Variants in SORCS3 observed in about 807,000 individuals in gnomAD.
SORCS3 encodes sortilin related VPS10 domain containing receptor 3.
SORCS3 carries 57 observed loss-of-function variants against 146.3 expected under a neutral mutation model. The ratio of observed to expected loss-of-function variants is 0.39; its 90% CI spans 0.31 to 0.49. The LOEUF (loss-of-function observed/expected upper bound fraction) is 0.49. Among genes scored for constraint, SORCS3 ranks in the 20% least tolerant of loss-of-function variants. The pLI is 0.92. For missense variants in SORCS3, 1,341 were observed against 1,575.5 expected (o/e 0.85, Z 2.52); for synonymous variants, 653 against 618.5 (o/e 1.06, Z -0.83).
At chr10:104,953,563 TC>T (rs2019456088) in intron 3 of SORCS3, among the ~76,000 whole-genome samples, 1 of 152,236 alleles carries the variant, frequency 6.6e-6, no homozygotes, top group South Asian at 2.1e-4. Flanking sequence ...GATGGCATTT[TC>T]CAGGTGCCAC....
chr10:105,142,990 G>T (rs1226170917), intron 8 of SORCS3, among the ~76,000 whole-genome samples: 2 of 151,958 alleles, frequency 1.3e-5, no homozygotes, highest in Non-Finnish European at 2.9e-5. Context: ...CTGTGTCACG[G>T]CCACACTTCT....
intron 1 of SORCS3, among the ~76,000 whole-genome samples, chr10:104,700,640 G>A (rs1053794766): frequency 1.4e-5 from 2 of 147,966 alleles, no homozygotes; most frequent in Non-Finnish European, 3.0e-5. Context: ...CGAAGGAAGG[G>A]ACATGGGCCA....
At chr10:104,904,447 CA>C (rs1036444347) in intron 2 of SORCS3, among the ~76,000 whole-genome samples, 3 of 152,002 alleles carry the variant, frequency 2.0e-5, no homozygotes, top group Admixed American at 6.6e-5. Context: ...TCTAGGGAAA[CA>C]AATAATGATA....
At chr10:105,064,462 AC>A (rs2055509092) in intron 5 of SORCS3, among the ~76,000 whole-genome samples, 1 of 152,116 alleles carries the variant, frequency 6.6e-6, no homozygotes, top group South Asian at 2.1e-4. Context: ...GTTGAAAGGT[AC>A]CCCAATAGGT....
At chr10:105,250,114 G>C (rs564171245) in intron 22 of SORCS3, among the ~76,000 whole-genome samples, 11 of 152,220 alleles carry the variant, frequency 7.2e-5, no homozygotes, top group Admixed American at 2.0e-4. Flanking sequence ...GAACCTTCTT[G>C]CTGTGTCTTC....
intron 1 of SORCS3, among the ~76,000 whole-genome samples, chr10:104,765,324 C>T (rs1256018114): frequency 1.3e-5 from 2 of 152,148 alleles, no homozygotes; most frequent in African/African-American, 4.8e-5. Flanking sequence ...AAACAAATAC[C>T]AACATGAAGA....
chr10:104,857,327 G>A (rs776839400), intron 2 of SORCS3, among the ~76,000 whole-genome samples: 1 of 151,988 alleles, frequency 6.6e-6, no homozygotes, highest in African/African-American at 2.4e-5. Context: ...AAGGAGTAAA[G>A]GTTGTAAACA....
chr10:105,052,516 C>A (rs1223348780), intron 5 of SORCS3, among the ~76,000 whole-genome samples: 1 of 152,112 alleles, frequency 6.6e-6, no homozygotes, highest in Non-Finnish European at 1.5e-5. Context: ...TTACTTTTGT[C>A]ACAGTGGGTG....
At chr10:104,731,855 T>G (rs1292520715) in intron 1 of SORCS3, among the ~76,000 whole-genome samples, 1 of 152,184 alleles carries the variant, frequency 6.6e-6, no homozygotes, top group East Asian at 1.9e-4. Context: ...ATTTAGCCCT[T>G]CATTCATCTC....
At chr10:104,744,944 A>T (rs1430462045) in intron 1 of SORCS3, among the ~76,000 whole-genome samples, 1 of 152,262 alleles carries the variant, frequency 6.6e-6, no homozygotes, top group Non-Finnish European at 1.5e-5. Flanking sequence ...TGATATATGC[A>T]TAAGACATGC....
intron 20 of SORCS3, among the ~76,000 whole-genome samples, chr10:105,244,274 A>T (rs3011668): frequency 0.31 from 46,907 of 150,556 alleles, 8,045 homozygotes; most frequent in East Asian, 0.67. Context: ...AGGAAAAAAA[A>T]ATATATATAT....
At chr10:104,807,901 A>G (rs968034585) in intron 1 of SORCS3, among the ~76,000 whole-genome samples, 2 of 152,344 alleles carry the variant, frequency 1.3e-5, no homozygotes, top group African/African-American at 2.4e-5. Context: ...TGCCTCTGCC[A>G]TGATATGAAA....
chr10:105,069,192 T>C (rs2055541863), intron 5 of SORCS3, among the ~76,000 whole-genome samples: 1 of 152,244 alleles, frequency 6.6e-6, no homozygotes, highest in African/African-American at 2.4e-5. Context: ...TATGCTTACA[T>C]GCCATAAGAT....
chr10:105,215,431 A>G (rs2056659241), intron 18 of SORCS3, among the ~76,000 whole-genome samples: 1 of 152,196 alleles, frequency 6.6e-6, no homozygotes, highest in Non-Finnish European at 1.5e-5. Flanking sequence ...CACAAGTATG[A>G]GCACTTCAGA....
chr10:104,941,218 T>C (rs569834157), intron 3 of SORCS3, among the ~76,000 whole-genome samples: 1 of 152,330 alleles, frequency 6.6e-6, no homozygotes, highest in East Asian at 1.9e-4. Context: ...CCTGTATCTT[T>C]GTGACCTCCT....
chr10:104,849,344 G>A (rs942045047), intron 2 of SORCS3, among the ~76,000 whole-genome samples: 10 of 149,048 alleles, frequency 6.7e-5, no homozygotes, highest in East Asian at 5.9e-4. Flanking sequence ...CGCGGGAAGC[G>A]GAGGTTGTAG....
At chr10:104,814,093 C>T (rs528858928) in intron 1 of SORCS3, among the ~76,000 whole-genome samples, 11 of 152,038 alleles carry the variant, frequency 7.2e-5, no homozygotes, top group Non-Finnish European at 1.3e-4. Context: ...TATCTCTTAC[C>T]TGAATAGCTT....
intron 8 of SORCS3, among the ~76,000 whole-genome samples, chr10:105,144,456 A>G (rs958979776): frequency 6.6e-5 from 10 of 152,278 alleles, no homozygotes; most frequent in African/African-American, 2.2e-4. Flanking sequence ...CATTAGGCCT[A>G]GATTATAAGA....
At chr10:105,222,142 T>A (rs550394214) in intron 19 of SORCS3, among the ~76,000 whole-genome samples, 62 of 144,646 alleles carry the variant, frequency 4.3e-4, no homozygotes, top group African/African-American at 1.5e-3. Flanking sequence ...CACTGCATCC[T>A]CTGACTCCTG....
Sources: allele counts gnomAD v4.1 joint callset (sites outside exome capture counted in the v4.1 genomes callset), GRCh38; gene constraint gnomAD v4.1.1; transcripts MANE v1.5; gene names NCBI Gene and HGNC (gene_info 2026-07-23, HGNC 2026-07-21).